MAPK10: variants seen among roughly 807,000 people sequenced by gnomAD.
The protein encoded by MAPK10 is mitogen-activated protein kinase 10.
A neutral mutation model predicts 59.3 loss-of-function variants in MAPK10; 25 were observed. That is an observed-to-expected ratio of 0.42 (90% CI 0.31 to 0.59). The LOEUF (loss-of-function observed/expected upper bound fraction) is 0.59. MAPK10 is among the 20% of genes least tolerant of loss of function. The pLI, the probability that MAPK10 is intolerant of heterozygous loss-of-function variation, is 0.15. For synonymous variants in MAPK10, 190 were observed against 200.5 expected, an observed-to-expected ratio of 0.95 and a Z score of 0.44; for missense variants, 351 against 568.9, an observed-to-expected ratio of 0.62 and a Z score of 3.90.
At chr4:86,326,226 G>T (rs2096019273) in intron 2 of MAPK10, 1 of 152,230 alleles carries the variant, frequency 6.6e-6, no homozygotes, top group Non-Finnish European at 1.5e-5. Context: ...AACAAGCAGG[G>T]TCTCGGGTTC....
intron 2 of MAPK10, among the ~76,000 whole-genome samples, chr4:86,275,574 A>G (rs1228741114): frequency 6.6e-6 from 1 of 152,050 alleles, no homozygotes; most frequent in Non-Finnish European, 1.5e-5. Flanking sequence ...TAAAGATCCT[A>G]AAGTCAAATA....
intron 1 of MAPK10, among the ~76,000 whole-genome samples, chr4:86,497,904 A>G (rs55722156): frequency 0.22 from 33,715 of 152,132 alleles, 4,676 homozygotes; most frequent in Admixed American, 0.31. Flanking sequence ...CCATACCACT[A>G]TGGAATCTAT....
At chr4:86,354,461 G>A in intron 2 of MAPK10, 69 bp downstream of exon 2, 1 of 587,304 alleles carries the variant, frequency 1.7e-6, no homozygotes, top group East Asian at 3.5e-5. Context: ...AAAACCATAT[G>A]CAATATTTAA....
At chr4:86,223,171 T>C (rs2089983220) in intron 2 of MAPK10, among the ~76,000 whole-genome samples, 1 of 152,188 alleles carries the variant, frequency 6.6e-6, no homozygotes, top group African/African-American at 2.4e-5. Flanking sequence ...AAATTTTAAA[T>C]TTTACCATTT....
chr4:86,475,178 G>A (rs1318022892), intron 1 of MAPK10, among the ~76,000 whole-genome samples: 19 of 152,208 alleles, frequency 1.2e-4, no homozygotes. Flanking sequence ...AAGCTTTATT[G>A]CTCACACAAA....
chr4:86,146,144 C>T (rs1262099413), intron 4 of MAPK10, among the ~76,000 whole-genome samples: 3 of 152,140 alleles, frequency 2.0e-5, no homozygotes, highest in Admixed American at 6.6e-5. Flanking sequence ...GAAATGGATT[C>T]CAGTGAGCTG....
intron 9 of MAPK10, among the ~76,000 whole-genome samples, chr4:86,098,082 G>A (rs1264723249): frequency 2.0e-5 from 3 of 152,186 alleles, no homozygotes; most frequent in Non-Finnish European, 4.4e-5. Context: ...AATCAACAAA[G>A]CCATAGACAG....
At chr4:86,082,906 AG>A (rs1350087706) in intron 9 of MAPK10, among the ~76,000 whole-genome samples, 1 of 152,112 alleles carries the variant, frequency 6.6e-6, no homozygotes, top group Non-Finnish European at 1.5e-5. Context: ...GGCAGTGCTA[AG>A]GGGTGCAGTC....
chr4:86,448,070 G>C (rs1036584919), intron 1 of MAPK10, among the ~76,000 whole-genome samples: 1 of 152,074 alleles, frequency 6.6e-6, no homozygotes, highest in African/African-American at 2.4e-5. Context: ...GTGGGAGTTA[G>C]ATTATGTTAA....
intron 2 of MAPK10, among the ~76,000 whole-genome samples, chr4:86,206,490 G>A (rs2084017874): frequency 6.6e-6 from 1 of 152,082 alleles, no homozygotes; most frequent in East Asian, 1.9e-4. Flanking sequence ...TTTGTGAATA[G>A]TGCTGCAATA....
intron 1 of MAPK10, among the ~76,000 whole-genome samples, chr4:86,536,202 G>A (rs1240372918): frequency 6.6e-6 from 1 of 152,184 alleles, no homozygotes. Flanking sequence ...TGAACACTCA[G>A]CAGGCAGTTT....
Position 86,359,802 on chromosome 4 carries a change from A to C in MAPK10, c.-266T>G. ...AGATTGTTTAAAATTAACGATGGAC[A>C]GGTGATTTCCAAGAAAACCCAATCT... On this transcript the variant is annotated 5_prime_UTR_variant, in exon 1 of 14. Coordinates refer to ENST00000641462, the MANE Select transcript of MAPK10 (RefSeq NM_138982.4). The C allele has an allele frequency of 1.0e-6, 1 of 985,784 alleles. No homozygotes were observed. 61.1% of individuals were successfully genotyped at this position (985,784 alleles called of 1,614,324 possible).
At chr4:86,075,157 C>A (rs1489007597) in intron 9 of MAPK10, among the ~76,000 whole-genome samples, 1 of 152,118 alleles carries the variant, frequency 6.6e-6, no homozygotes, top group African/African-American at 2.4e-5. Flanking sequence ...TCTTCCATCA[C>A]TGATACCCTT....
chr4:86,425,098 T>C (rs1348103977), intron 1 of MAPK10, among the ~76,000 whole-genome samples: 3 of 152,072 alleles, frequency 2.0e-5, no homozygotes, highest in Non-Finnish European at 2.9e-5. Flanking sequence ...CAGAAAGGCT[T>C]TTAGAGTCTT....
chr4:86,481,271 G>C (rs535228319), intron 1 of MAPK10, among the ~76,000 whole-genome samples: 80 of 152,194 alleles, frequency 5.3e-4, no homozygotes, highest in African/African-American at 1.9e-3. Flanking sequence ...TGAGAGACAG[G>C]AGGGCAGGAG....
chr4:86,550,374 TAAAAAAAAAAAAAAAAAAAAAAAA>T (rs753508493), intron 1 of MAPK10, among the ~76,000 whole-genome samples: 86 of 77,398 alleles, frequency 1.1e-3, no homozygotes, highest in Middle Eastern at 0.016. Context: ...GAGCTTCAGT[TAAAAAAAAAAAAAAAAAAAAAAAA>T]AAAAAAAAAA....
At chr4:86,510,472 A>G (rs1756137157) in intron 1 of MAPK10, among the ~76,000 whole-genome samples, 2 of 152,152 alleles carry the variant, frequency 1.3e-5, no homozygotes, top group African/African-American at 4.8e-5. Flanking sequence ...CAAATTGTCA[A>G]TCAATAGATG....
intron 4 of MAPK10, among the ~76,000 whole-genome samples, chr4:86,155,522 C>A (rs988398045): frequency 6.6e-6 from 1 of 151,836 alleles, no homozygotes; most frequent in African/African-American, 2.4e-5. Context: ...AGATACATTC[C>A]AAGACCCCCA....
intron 9 of MAPK10, chr4:86,095,340 T>C (rs1034413145): frequency 1.3e-5 from 2 of 151,870 alleles, no homozygotes; most frequent in Non-Finnish European, 2.9e-5. Flanking sequence ...TCAAGACATT[T>C]TACTATTTTT....
Sources: gnomAD v4.1 joint callset for allele counts (sites outside exome capture counted in the v4.1 genomes callset) on GRCh38, gnomAD v4.1.1 for gene constraint, MANE v1.5 for transcripts, NCBI Gene and HGNC (gene_info 2026-07-23, HGNC 2026-07-21) for gene names.